Variants in LIPK observed in about 807,000 individuals in gnomAD.
LIPK encodes lipase member K.
In LIPK, 32 loss-of-function variants were observed where a neutral mutation model predicts 48.6. The observed-to-expected ratio is 0.66, with a 90% CI of 0.50 to 0.88. The LOEUF is 0.88. Ranked by LOEUF, LIPK falls within the 40% of genes least tolerant of loss-of-function variation. The probability of loss-of-function intolerance (pLI) is 0.00; values close to 1 mark genes in which losing one functional copy is unlikely to be tolerated. For synonymous variants in LIPK, 164 were observed against 157.4 expected, an observed-to-expected ratio of 1.04 and a Z score of -0.32; for missense variants, 507 against 478.5, an observed-to-expected ratio of 1.06 and a Z score of -0.56.
chr10:88,730,890 T>C, intron 3 of LIPK, 93 bp from the exon 4 acceptor site: 1 of 1,196,490 alleles, frequency 8.4e-7, no homozygotes, highest in Non-Finnish European at 1.2e-6. Flanking sequence ...TCTCTTAACC[T>C]TTCTTTTATA....
chr10:88,722,889 CT>C (rs398014386), intron 1 of LIPK, among the ~76,000 whole-genome samples: 47 of 113,134 alleles, frequency 4.2e-4, no homozygotes, highest in Non-Finnish European at 5.5e-4. Flanking sequence ...TTTCTTTTTT[CT>C]TTTTTTTTTT....
rs761094676 is a variant in LIPK, at chr10:88,731,174, G to A, written c.415G>A (p.Ala139Thr). ...KLSPKSPEYWAFSLDEMAKYD... is the reference protein window; with the variant it reads ...KLSPKSPEYWTFSLDEMAKYD... ...GTCACCGAAATCACCGGAATACTGG[G>A]CCTTCAGGTAAAGAGAAACCTATTA... The change falls in exon 4 of 10, where the codon GCC becomes ACC. Residue 139 changes from alanine to threonine, a missense_variant. By Grantham distance (58) the Ala-to-Thr change is moderately conservative. Transcript: ENST00000404190. 6.4e-7 allele frequency: 1 copy of A among 1,557,618 alleles called. No individual in the cohort carries two copies. The highest frequency in any genetic ancestry group is 1.2e-5 in the South Asian group (1 of 80,898).
At chr10:88,740,678 A>G (rs953419798) in intron 8 of LIPK, among the ~76,000 whole-genome samples, 1 of 152,068 alleles carries the variant, frequency 6.6e-6, no homozygotes, top group Non-Finnish European at 1.5e-5. Flanking sequence ...TCATTTGTTT[A>G]TTATGTAATA....
chr10:88,738,585 T>A (rs2134762236), intron 7 of LIPK, among the ~76,000 whole-genome samples: 1 of 152,354 alleles, frequency 6.6e-6, no homozygotes, highest in South Asian at 2.1e-4. Flanking sequence ...AAACTATGCT[T>A]CCTATCACTT....
chr10:88,733,183 C>T (rs1842503637), intron 6 of LIPK, among the ~76,000 whole-genome samples: 1 of 152,192 alleles, frequency 6.6e-6, no homozygotes, highest in Admixed American at 6.5e-5. Context: ...TGTTTCATTT[C>T]CTGACACTTT....
At chr10:88,722,731 T>A (rs1475834675) in intron 1 of LIPK, among the ~76,000 whole-genome samples, 1 of 152,150 alleles carries the variant, frequency 6.6e-6, no homozygotes, top group African/African-American at 2.4e-5. Context: ...CATTTGCATT[T>A]CCTAGAGTCA....
chr10:88,750,767 G>A (rs1842849649), intron 9 of LIPK, among the ~76,000 whole-genome samples: 1 of 152,054 alleles, frequency 6.6e-6, no homozygotes, highest in African/African-American at 2.4e-5. Flanking sequence ...ATTTACTTAT[G>A]TGGCAAGCCT....
chr10:88,724,061 C>G (rs1842286048), intron 1 of LIPK, among the ~76,000 whole-genome samples: 1 of 152,032 alleles, frequency 6.6e-6, no homozygotes. Context: ...AACAAAATTA[C>G]TGAGTGAAGG....
chr10:88,707,340 T>C (rs1003527860), intron 1 of LIPK, among the ~76,000 whole-genome samples: 5 of 152,112 alleles, frequency 3.3e-5, no homozygotes, highest in African/African-American at 1.2e-4. Context: ...CACTGGACTA[T>C]CCTGTCTCTC....
At chr10:88,744,576 C>G (rs1842737083) in intron 9 of LIPK, among the ~76,000 whole-genome samples, 1 of 152,144 alleles carries the variant, frequency 6.6e-6, no homozygotes, top group South Asian at 2.1e-4. Flanking sequence ...CTAAACACAA[C>G]TTATATCACA....
chr10:88,748,146 C>T (rs1416351128), intron 9 of LIPK, among the ~76,000 whole-genome samples: 2 of 152,116 alleles, frequency 1.3e-5, no homozygotes, highest in South Asian at 2.1e-4. Flanking sequence ...CCATCATCCT[C>T]AGCAAACTAA....
chr10:88,719,726 G>T (rs961683274), intron 1 of LIPK, among the ~76,000 whole-genome samples: 4 of 152,154 alleles, frequency 2.6e-5, no homozygotes, highest in African/African-American at 4.8e-5. Flanking sequence ...GAATTAGGGT[G>T]GGGACTGGTT....
At chr10:88,747,272 C>A (rs1842782294) in intron 9 of LIPK, among the ~76,000 whole-genome samples, 1 of 152,144 alleles carries the variant, frequency 6.6e-6, no homozygotes, top group South Asian at 2.1e-4. Flanking sequence ...ATGAAGCCAG[C>A]ATCCATCATT....
intron 6 of LIPK, 66 bp from the exon 7 acceptor site, chr10:88,737,569 T>C (rs2134758560): frequency 6.5e-7 from 1 of 1,541,864 alleles, no homozygotes; most frequent in Non-Finnish European, 8.9e-7. Context: ...TTCTTTGAAC[T>C]ATCTCTTTCT....
chr10:88,721,852 C>T (rs1158323822), intron 1 of LIPK, among the ~76,000 whole-genome samples: 1 of 152,200 alleles, frequency 6.6e-6, no homozygotes, highest in Non-Finnish European at 1.5e-5. Context: ...ACACATTTCC[C>T]TACTACTTTG....
chr10:88,727,322 G>A (rs1460318473), intron 3 of LIPK, among the ~76,000 whole-genome samples: 1 of 152,138 alleles, frequency 6.6e-6, no homozygotes, highest in Non-Finnish European at 1.5e-5. Context: ...ACAACTTTCA[G>A]CTTCAATAAT....
At chr10:88,740,192 C>A in intron 8 of LIPK, 125 bp downstream of exon 8, 1 of 530,424 alleles carries the variant, frequency 1.9e-6, no homozygotes, top group Non-Finnish European at 3.3e-6. Flanking sequence ...TTTTTGGAAT[C>A]AGCATCAACT....
intron 6 of LIPK, among the ~76,000 whole-genome samples, chr10:88,734,584 C>T (rs756861491): frequency 2.6e-5 from 4 of 152,172 alleles, no homozygotes; most frequent in East Asian, 3.9e-4. Flanking sequence ...AAAGATTCCC[C>T]TGGGAACCAA....
chr10:88,738,791 A>G (rs1356611841), intron 7 of LIPK, among the ~76,000 whole-genome samples: 1 of 152,236 alleles, frequency 6.6e-6, no homozygotes, highest in Non-Finnish European at 1.5e-5. Context: ...ACCTTTTGTC[A>G]GATCACCTTT....
Sources: gnomAD v4.1 joint callset for allele counts (sites outside exome capture counted in the v4.1 genomes callset) on GRCh38, gnomAD v4.1.1 for gene constraint, MANE v1.5 for transcripts, NCBI Gene and HGNC (gene_info 2026-07-23, HGNC 2026-07-21) for gene names.